The following RPS6KC1 variants were observed in gnomAD, a reference collection of about 807,000 sequenced individuals.
The protein encoded by RPS6KC1 is ribosomal protein S6 kinase C1, also known as inactive ribosomal protein S6 kinase delta-1.
In RPS6KC1, 54 loss-of-function variants were observed where a neutral mutation model predicts 103.8. That is an observed-to-expected ratio of 0.52 (90% CI 0.42 to 0.65). The LOEUF (loss-of-function observed/expected upper bound fraction) is 0.65. Ranked by LOEUF, RPS6KC1 falls within the 30% of genes least tolerant of loss-of-function variation. The probability of loss-of-function intolerance (pLI) is 0.00; values close to 1 mark genes in which losing one functional copy is unlikely to be tolerated. For synonymous variants in RPS6KC1, 439 were observed against 438.7 expected (o/e 1.00, Z -0.01); for missense variants, 1,151 against 1,253.8 (o/e 0.92, Z 1.24).
At chr1:213,612,899 G>T in the RPS6KC1 span, among the ~76,000 whole-genome samples, 8 of 152,282 alleles carry the variant, frequency 5.3e-5, no homozygotes, top group South Asian at 1.7e-3. Context: ...AGAATAAAAA[G>T]AAAATGTATT....
chr1:213,456,393 C>A, the RPS6KC1 span, among the ~76,000 whole-genome samples: 1 of 152,188 alleles, frequency 6.6e-6, no homozygotes, highest in African/African-American at 2.4e-5. Context: ...GCTGGATAAA[C>A]CTTCCAGGAG....
the RPS6KC1 span, among the ~76,000 whole-genome samples, chr1:213,559,368 C>T: frequency 6.6e-6 from 1 of 152,148 alleles, no homozygotes; most frequent in African/African-American, 2.4e-5. Context: ...GGCAGCCCTC[C>T]TGTGTTAGTA....
chr1:213,551,625 C>T, the RPS6KC1 span, among the ~76,000 whole-genome samples: 1 of 152,206 alleles, frequency 6.6e-6, no homozygotes, highest in Non-Finnish European at 1.5e-5. Flanking sequence ...ATTGCCCCGA[C>T]ACAGGCACTA....
At chr1:213,585,821 A>T in the RPS6KC1 span, among the ~76,000 whole-genome samples, 3 of 152,024 alleles carry the variant, frequency 2.0e-5, no homozygotes, top group Non-Finnish European at 2.9e-5. Context: ...ATGGCATGGT[A>T]TGGCAAAGGG....
the RPS6KC1 span, among the ~76,000 whole-genome samples, chr1:213,333,660 A>C: frequency 5.9e-5 from 9 of 151,916 alleles, no homozygotes; most frequent in African/African-American, 2.2e-4. Flanking sequence ...ATTTTATCTT[A>C]TTTTATTTTA....
At chr1:213,064,851 A>G (rs2078171318) in intron 1 of RPS6KC1, among the ~76,000 whole-genome samples, 1 of 138,976 alleles carries the variant, frequency 7.2e-6, no homozygotes, top group Non-Finnish European at 1.5e-5. Context: ...CTAACTTTGT[A>G]TTTTTAATAG....
the RPS6KC1 span, among the ~76,000 whole-genome samples, chr1:213,397,101 T>G: frequency 3.3e-5 from 5 of 152,176 alleles, no homozygotes; most frequent in Non-Finnish European, 7.4e-5. Context: ...ACACATCGAA[T>G]AAGATATTGA....
the RPS6KC1 span, among the ~76,000 whole-genome samples, chr1:213,861,951 C>T: frequency 3.3e-5 from 5 of 152,132 alleles, no homozygotes; most frequent in Non-Finnish European, 1.5e-5. Flanking sequence ...GCACTTCCCT[C>T]GCACTCCATC....
chr1:213,798,145 G>A, the RPS6KC1 span, among the ~76,000 whole-genome samples: 1 of 152,326 alleles, frequency 6.6e-6, no homozygotes, highest in African/African-American at 2.4e-5. Context: ...CCTATCAGAA[G>A]CAAATCTGGC....
chr1:213,550,524 C>T, the RPS6KC1 span, among the ~76,000 whole-genome samples: 3 of 152,034 alleles, frequency 2.0e-5, no homozygotes, highest in Admixed American at 6.5e-5. Flanking sequence ...CTGTATGCAC[C>T]GGCTCTCCAC....
At chr1:213,622,343 C>A in the RPS6KC1 span, among the ~76,000 whole-genome samples, 1 of 151,256 alleles carries the variant, frequency 6.6e-6, no homozygotes, top group South Asian at 2.1e-4. Flanking sequence ...TTTCTGCTAT[C>A]AGGGGCATTT....
chr1:213,708,924 T>C, the RPS6KC1 span, among the ~76,000 whole-genome samples: 5 of 152,224 alleles, frequency 3.3e-5, no homozygotes, highest in Non-Finnish European at 7.3e-5. Context: ...GTGGATAAGC[T>C]TTTCAATGTG....
chr1:213,448,750 C>T, the RPS6KC1 span, among the ~76,000 whole-genome samples: 1 of 138,848 alleles, frequency 7.2e-6, no homozygotes, highest in African/African-American at 2.7e-5. Context: ...TCTCTTGGAG[C>T]AGACAGGCAA....
the RPS6KC1 span, among the ~76,000 whole-genome samples, chr1:213,750,870 C>T: frequency 1.3e-5 from 2 of 152,146 alleles, no homozygotes; most frequent in East Asian, 1.9e-4. Flanking sequence ...TTCTCAAATT[C>T]CACCTTTTAT....
intron 8 of RPS6KC1, among the ~76,000 whole-genome samples, chr1:213,183,246 G>A (rs2092370389): frequency 6.6e-6 from 1 of 152,064 alleles, no homozygotes; most frequent in Admixed American, 6.6e-5. Context: ...CTCAAAAACT[G>A]ATAAAACGGT....
chr1:213,529,461 G>A, the RPS6KC1 span, among the ~76,000 whole-genome samples: 2 of 152,038 alleles, frequency 1.3e-5, no homozygotes, highest in Admixed American at 6.6e-5. Context: ...TTTTTAACCT[G>A]GCAATTTCAA....
At chr1:213,318,833 A>G in the RPS6KC1 span, among the ~76,000 whole-genome samples, 4 of 152,342 alleles carry the variant, frequency 2.6e-5, no homozygotes, top group South Asian at 8.3e-4. Flanking sequence ...ATATGTGGGA[A>G]TTCAAGATAA....
intron 6 of RPS6KC1, among the ~76,000 whole-genome samples, chr1:213,163,137 T>C (rs769738742): frequency 3.9e-5 from 6 of 152,180 alleles, no homozygotes; most frequent in Non-Finnish European, 8.8e-5. Context: ...AAAAACTAAC[T>C]GTAACTACCA....
chr1:213,605,499 G>GCC, the RPS6KC1 span, among the ~76,000 whole-genome samples: 1 of 152,172 alleles, frequency 6.6e-6, no homozygotes, highest in African/African-American at 2.4e-5. Flanking sequence ...TTGCTGAGTG[G>GCC]CCCTCAAAGA....
Sources: gnomAD v4.1 joint callset for allele counts (sites outside exome capture counted in the v4.1 genomes callset) on GRCh38, gnomAD v4.1.1 for gene constraint, MANE v1.5 for transcripts, NCBI Gene and HGNC (gene_info 2026-07-23, HGNC 2026-07-21) for gene names.